The following LMO2 variants were observed in gnomAD, a reference collection of about 807,000 sequenced individuals.
The protein encoded by LMO2 is LIM domain only 2.
LMO2 carries 20 observed loss-of-function variants against 23.2 expected under a neutral mutation model. The ratio of observed to expected loss-of-function variants is 0.86; its 90% CI spans 0.61 to 1.25. LMO2 has a LOEUF of 1.25. Among genes scored for constraint, LMO2 ranks in the 50% most tolerant of loss-of-function variants. The probability of loss-of-function intolerance (pLI) is 0.00; values close to 1 mark genes in which losing one functional copy is unlikely to be tolerated. For missense variants in LMO2, 270 were observed against 315.3 expected, an observed-to-expected ratio of 0.86 and a Z score of 1.09; for synonymous variants, 123 against 130.2, an observed-to-expected ratio of 0.94 and a Z score of 0.38.
At chr11:33,875,132 C>T (rs1857105995) in intron 2 of LMO2, among the ~76,000 whole-genome samples, 1 of 152,188 alleles carries the variant, frequency 6.6e-6, no homozygotes, top group African/African-American at 2.4e-5. Flanking sequence ...TTTGAGCTTC[C>T]ACATCTGTAA....
At chr11:33,870,369 T>C in intron 2 of LMO2, 1 of 985,474 alleles carries the variant, frequency 1.0e-6, no homozygotes, top group Non-Finnish European at 1.2e-6. Flanking sequence ...TCCCAGTGGA[T>C]TTTCCGCCCG....
At chr11:33,865,152 C>T (rs1410059386) in intron 4 of LMO2, 1 of 390,196 alleles carries the variant, frequency 2.6e-6, no homozygotes, top group African/African-American at 2.1e-5. Context: ...TTCCCACTCT[C>T]CCCGCTGACT....
At chr11:33,863,676 A>G (rs112249104) in intron 5 of LMO2, among the ~76,000 whole-genome samples, 89 of 152,356 alleles carry the variant, frequency 5.8e-4, no homozygotes, top group African/African-American at 2.0e-3. Context: ...ACACTAGTAC[A>G]TTCTAGGCAA....
chr11:33,882,942 T>C (rs1362541788), intron 1 of LMO2, among the ~76,000 whole-genome samples: 2 of 152,188 alleles, frequency 1.3e-5, no homozygotes, highest in East Asian at 1.9e-4. Context: ...GGAATACATA[T>C]TCTTAGGCCC....
chr11:33,869,833 C>G lies in LMO2; in HGVS notation c.-117G>C, dbSNP rs1289026254. The G allele has an allele frequency of 2.8e-6, 3 of 1,069,396 alleles. No homozygotes were observed. The highest frequency in any genetic ancestry group is 4.5e-5 in the South Asian group (1 of 22,392). 66.2% of individuals were successfully genotyped at this position (1,069,396 alleles called of 1,614,324 possible). On this transcript the variant is annotated 5_prime_UTR_variant, in exon 3 of 6. Transcript: ENST00000257818. The stretch of plus-strand genomic sequence containing the variant: ...CCCGGAGCCCCTCGCACCTTCGGCC[C>G]GGGTCGCGGCGCGCTGCTCGCCGCC...
chr11:33,885,291 G>T (rs1236293588), intron 1 of LMO2, among the ~76,000 whole-genome samples: 1 of 152,176 alleles, frequency 6.6e-6, no homozygotes, highest in Non-Finnish European at 1.5e-5. Context: ...TGTGGGCCTA[G>T]GAAGATACAA....
At chr11:33,870,230 A>G (rs2133700390) in intron 2 of LMO2, 1 of 537,882 alleles carries the variant, frequency 1.9e-6, no homozygotes, top group African/African-American at 2.1e-5. Context: ...CCACTAAATC[A>G]TTCTTCAGGG....
intron 2 of LMO2, among the ~76,000 whole-genome samples, chr11:33,877,601 A>G (rs1313103054): frequency 3.3e-5 from 5 of 150,142 alleles, no homozygotes; most frequent in Non-Finnish European, 5.9e-5. Flanking sequence ...AGTAGCTGGG[A>G]CTATAGGTGC....
rs114891494 is a variant in LMO2 at position 33,875,958 on chromosome 11, C to G, written c.-272+5866G>C. ...CCTATTATCTGGCCTCTGCTGCCCC[C>G]CTGTCCTTTTCTCCAGCATGCCCCT... On this transcript the variant is annotated intron_variant, in intron 2 of 5. Transcript: ENST00000257818. Among the ~76,000 whole-genome samples the G allele has an allele frequency of 9.4e-3, 1,429 of 152,312 alleles. 23 individuals carry two copies. Among genetic ancestry groups the G allele is most frequent in the African/African-American group, 0.032 (1,311 of 41,566 alleles).
At position 33,864,929 on chromosome 11, in the gene LMO2, C is replaced by G; in HGVS notation, c.249-112G>C. 1 of 929,108 alleles carries G rather than the reference C, an allele frequency of 1.1e-6. No homozygotes were observed. Among genetic ancestry groups the G allele is most frequent in the South Asian group, 1.4e-5 (1 of 73,662 alleles). The allele number at this position is 929,108 out of a possible 1,614,324, so 57.6% of individuals were successfully genotyped here. ...ATCTCACCTGACTGCCTTTCAGTGA[C>G]CTAAGGGAGAAGGGACAGGACAACA... On this transcript the variant is annotated intron_variant, in intron 4 of 5. Coordinates refer to ENST00000257818, the MANE Select transcript of LMO2 (RefSeq NM_005574.4). This position sits in a 1 kb window ranked among gnomAD's most constrained non-coding sequence, Gnocchi z 4.8.
chr11:33,872,674 TA>T (rs1416133763), intron 2 of LMO2, among the ~76,000 whole-genome samples: 1 of 152,238 alleles, frequency 6.6e-6, no homozygotes, highest in Non-Finnish European at 1.5e-5. Context: ...CTTCTTCTCC[TA>T]AATAAAACAT....
chr11:33,863,006 G>A (rs943404438), intron 5 of LMO2, among the ~76,000 whole-genome samples: 2 of 151,974 alleles, frequency 1.3e-5, no homozygotes, highest in Admixed American at 1.3e-4. Flanking sequence ...GGCAGCACTG[G>A]TTTTATTCCT....
chr11:33,859,362 C>T lies in LMO2; in HGVS notation c.678G>A (p.Met226Ile), dbSNP rs1184702208. ...DIYEWTKINGMI is the reference protein window; with the variant it reads ...DIYEWTKINGII ...GATGCCCGGGGACTCGGGCCTATAT[C>T]ATCCCATTGATCTTAGTCCACTCGT... The change falls in exon 6 of 6, where the codon ATG becomes ATA. Residue 226 changes from methionine (M) to isoleucine (I), a missense_variant. Transcript: ENST00000257818. 6.2e-7 allele frequency: 1 copy of T among 1,613,264 alleles called. No homozygotes were observed. Among genetic ancestry groups the T allele is most frequent in the Admixed American group, 1.7e-5 (1 of 60,010 alleles).
At position 33,864,926 on chromosome 11, in the gene LMO2, T is replaced by C; in HGVS notation, c.249-109A>G. The C allele has an allele frequency of 1.1e-6, 1 of 950,660 alleles. No homozygotes were observed. 58.9% of individuals were successfully genotyped at this position (950,660 alleles called of 1,614,324 possible). Reference sequence around the variant, plus strand: ...GGCATCTCACCTGACTGCCTTTCAGTGACCTAAGGGAGAAGGGACAGGACA... The same window carrying C: ...GGCATCTCACCTGACTGCCTTTCAGCGACCTAAGGGAGAAGGGACAGGACA... On this transcript the variant is annotated intron_variant, in intron 4 of 5. Transcript: ENST00000257818. This position sits in a 1 kb window ranked among gnomAD's most constrained non-coding sequence, Gnocchi z 4.8.
intron 4 of LMO2, among the ~76,000 whole-genome samples, chr11:33,866,759 C>T (rs1037577457): frequency 6.6e-6 from 1 of 152,190 alleles, no homozygotes; most frequent in African/African-American, 2.4e-5. Flanking sequence ...GATTCTCCCG[C>T]TTCAGCCTCC....
At chr11:33,889,485 A>C (rs993706420) in intron 1 of LMO2, among the ~76,000 whole-genome samples, 6 of 152,212 alleles carry the variant, frequency 3.9e-5, no homozygotes, top group Admixed American at 3.3e-4. Flanking sequence ...AGGTCAGACA[A>C]GGGTCCATTC....
chr11:33,877,679 G>C lies in LMO2; in HGVS notation c.-272+4145C>G, dbSNP rs141968644. 7.2e-3 allele frequency among the ~76,000 whole-genome samples: 982 copies of C among 135,560 alleles called. 13 individuals carry two copies. Among genetic ancestry groups the C allele is most frequent in the African/African-American group, 0.024 (861 of 36,364 alleles). The allele number at this position is 135,560 out of a possible 152,430, so 88.9% of individuals were successfully genotyped here. On this transcript the variant is annotated intron_variant, in intron 2 of 5. Transcript: ENST00000257818. Reference sequence around the variant, plus strand: ...AGGGTTTCACCATATTGGTCAGGCTGGTGTTGAACTCCTGACCTCAGGTGA... The same window carrying C: ...AGGGTTTCACCATATTGGTCAGGCTCGTGTTGAACTCCTGACCTCAGGTGA...
At chr11:33,870,459 A>ACGGGCTG in intron 2 of LMO2, 1 of 985,478 alleles carries the variant, frequency 1.0e-6, no homozygotes. Context: ...GCTGCGGGCT[A>ACGGGCTG]CGGGCTGCGG....
Position 33,859,344 on chromosome 11 carries a change from GGGGACTC to G in LMO2, c.*5_*11del, listed in dbSNP as rs1856479378. 1 of 1,598,946 alleles carries G rather than the reference GGGGACTC, an allele frequency of 6.3e-7. No homozygotes were observed. Among genetic ancestry groups the G allele is most frequent in the Non-Finnish European group, 8.6e-7 (1 of 1,166,900 alleles). ...AGTGAACACCTCCCCAAAGATGCCCGGGGACTCGGGCCTATATCATCCCATTGATCTT... is the reference window on the plus strand; with the variant it reads ...AGTGAACACCTCCCCAAAGATGCCCGGGGCCTATATCATCCCATTGATCTT... On this transcript the variant is annotated 3_prime_UTR_variant, in exon 6 of 6. Transcript: ENST00000257818.
Sources: allele counts gnomAD v4.1 joint callset (sites outside exome capture counted in the v4.1 genomes callset), GRCh38; gene constraint gnomAD v4.1.1; non-coding constraint Gnocchi (gnomAD v3.1); transcripts MANE v1.5; gene names NCBI Gene and HGNC (gene_info 2026-07-23, HGNC 2026-07-21).